The following NEURL1B variants were observed in gnomAD, a reference collection of about 807,000 sequenced individuals.
The protein encoded by NEURL1B is neuralized E3 ubiquitin protein ligase 1B, also known as E3 ubiquitin-protein ligase NEURL1B.
A neutral mutation model predicts 37.4 loss-of-function variants in NEURL1B; 13 were observed. The observed-to-expected ratio is 0.35, with a 90% CI of 0.23 to 0.55. The LOEUF is 0.55. Ranked by LOEUF, NEURL1B falls within the 20% of genes least tolerant of loss-of-function variation. The probability of loss-of-function intolerance (pLI) is 0.89; values close to 1 mark genes in which losing one functional copy is unlikely to be tolerated. For synonymous variants in NEURL1B, 432 were observed against 426.6 expected, an observed-to-expected ratio of 1.01 and a Z score of -0.16; for missense variants, 790 against 879.2, an observed-to-expected ratio of 0.90 and a Z score of 1.28.
rs1757458857 is a variant in NEURL1B, at chr5:172,641,492, GA to G, written c.31+56del. ...GGCGCCGGGCTTCTCTCCTCCGGGG[GA>G]CCCGCTGGGTGACTCTGGAGAGCTA... On this transcript the variant is annotated intron_variant, in intron 1 of 4. Transcript: ENST00000369800. The surrounding 1 kb of genome is among the most constrained non-coding windows in gnomAD (Gnocchi z 6.4). The G allele has an allele frequency of 8.0e-7, 1 of 1,244,300 alleles. No individual in the cohort carries two copies. The highest frequency in any genetic ancestry group is 1.6e-5 in the African/African-American group (1 of 64,346). 77.1% of individuals were successfully genotyped at this position (1,244,300 alleles called of 1,614,324 possible).
intron 1 of NEURL1B, among the ~76,000 whole-genome samples, chr5:172,643,892 C>T (rs1467457118): frequency 1.3e-5 from 2 of 152,054 alleles, no homozygotes; most frequent in Non-Finnish European, 2.9e-5. Flanking sequence ...CTCCTCAAGG[C>T]TTCTGCACTT....
In NEURL1B at chr5:172,689,516, CAG is replaced by C. The variant is rs1758587746; in HGVS notation, c.*2595_*2596del. On this transcript the variant is annotated 3_prime_UTR_variant, in exon 5 of 5. Transcript: ENST00000369800. ...CTACAACTGTACAGTTCCTTCCAAT[CAG>C]AGATGTTCACGTGTGAAAAAAAAAC... 1 of 152,236 alleles carries C rather than the reference CAG, an allele frequency of 6.6e-6. No homozygotes were observed. The highest frequency in any genetic ancestry group is 1.5e-5 in the Non-Finnish European group (1 of 68,002). 9.4% of individuals were successfully genotyped at this position (152,236 alleles called of 1,614,324 possible). A position where few individuals can be genotyped will look rare whatever the true frequency, so the allele number is the denominator to read the frequency against.
intron 1 of NEURL1B, among the ~76,000 whole-genome samples, chr5:172,658,429 C>A (rs1415946751): frequency 6.6e-6 from 1 of 151,988 alleles, no homozygotes; most frequent in African/African-American, 2.4e-5. Flanking sequence ...GGAAGCCCTG[C>A]GTGGTGAGTG....
chr5:172,641,552 G>A lies in NEURL1B; in HGVS notation c.31+115G>A, dbSNP rs965000213. ...CCCTTGGAGCCCTCGGCTCGCAGCGGGCTGGAGTCTCCGGTACCTCCCGGA... is the reference window on the plus strand; with the variant it reads ...CCCTTGGAGCCCTCGGCTCGCAGCGAGCTGGAGTCTCCGGTACCTCCCGGA... On this transcript the variant is annotated intron_variant, in intron 1 of 4. Coordinates refer to ENST00000369800, the MANE Select transcript of NEURL1B (RefSeq NM_001142651.3). The surrounding 1 kb of genome is among the most constrained non-coding windows in gnomAD (Gnocchi z 6.4). 88 of 932,898 alleles carry A rather than the reference G, an allele frequency of 9.4e-5. No individual in the cohort carries two copies. In the African/African-American group the frequency reaches 1.3e-3, roughly 14 times the overall value. 57.8% of individuals were successfully genotyped at this position (932,898 alleles called of 1,614,324 possible).
Position 172,660,238 on chromosome 5 carries a change from C to G in NEURL1B, c.32-9547C>G, listed in dbSNP as rs573126251. ...CAAGAAGAGACCACAGTCAGGGGGC[C>G]CGGCAGAGGGTCGGAGTCAGCTTGG... On this transcript the variant is annotated intron_variant, in intron 1 of 4. Coordinates refer to ENST00000369800, the MANE Select transcript of NEURL1B (RefSeq NM_001142651.3). Among the ~76,000 whole-genome samples, 3 of 152,312 alleles carry G rather than the reference C, an allele frequency of 2.0e-5. No individual in the cohort carries two copies. The East Asian group carries it at 5.8e-4, about 29-fold the overall frequency.
chr5:172,648,038 C>T (rs760360248), intron 1 of NEURL1B, among the ~76,000 whole-genome samples: 6 of 152,202 alleles, frequency 3.9e-5, no homozygotes, highest in Non-Finnish European at 8.8e-5. Flanking sequence ...CTTTGTCATC[C>T]AGGGCCCGCG....
In NEURL1B at chr5:172,641,470, G is replaced by A; in HGVS notation, c.31+33G>A. 7.8e-7 allele frequency: 1 copy of A among 1,286,118 alleles called. No homozygotes were observed. Among genetic ancestry groups the A allele is most frequent in the Non-Finnish European group, 9.8e-7 (1 of 1,017,410 alleles). The allele number at this position is 1,286,118 out of a possible 1,614,324, so 79.7% of individuals were successfully genotyped here. A position where few individuals can be genotyped will look rare whatever the true frequency, so the allele number is the denominator to read the frequency against. ...GGGGAGCCCTGCCCGGGAGGCGGGC[G>A]CCGGGCTTCTCTCCTCCGGGGGACC... On this transcript the variant is annotated intron_variant, in intron 1 of 4. Transcript: ENST00000369800. The surrounding 1 kb of genome is among the most constrained non-coding windows in gnomAD (Gnocchi z 6.4).
In NEURL1B at chr5:172,687,224, A is replaced by T; in HGVS notation, c.*299A>T. The stretch of plus-strand genomic sequence containing the variant: ...GGAAACAGCGTCCTCTGTCTGTGCA[A>T]TGCTTCTTGCTGGGGTTGGGTTGAG... On this transcript the variant is annotated 3_prime_UTR_variant, in exon 5 of 5. Transcript: ENST00000369800. 8.9e-6 allele frequency: 2 copies of T among 223,670 alleles called. No individual in the cohort carries two copies. The highest frequency in any genetic ancestry group is 1.8e-5 in the Non-Finnish European group (2 of 112,366). The allele number at this position is 223,670 out of a possible 1,614,324, so 13.9% of individuals were successfully genotyped here.
rs1248614289 is a variant in NEURL1B at position 172,687,854 on chromosome 5, A to T, written c.*929A>T. Reference sequence around the variant, plus strand: ...AGCTGGAAAGCCCACTCCACGATGCAGACAGCTCTCTACCTTCCTGTGGTG... The same window carrying T: ...AGCTGGAAAGCCCACTCCACGATGCTGACAGCTCTCTACCTTCCTGTGGTG... On this transcript the variant is annotated 3_prime_UTR_variant, in exon 5 of 5. Coordinates refer to ENST00000369800, the MANE Select transcript of NEURL1B (RefSeq NM_001142651.3). 2 of 152,222 alleles carry T rather than the reference A, an allele frequency of 1.3e-5. No homozygotes were observed. Among genetic ancestry groups the T allele is most frequent in the Non-Finnish European group, 2.9e-5 (2 of 68,044 alleles). The allele number at this position is 152,222 out of a possible 1,614,324, so 9.4% of individuals were successfully genotyped here.
rs1295047638 is a variant in NEURL1B at position 172,670,100 on chromosome 5, A to G, written c.347A>G (p.Lys116Arg). The change falls in exon 2 of 5, where the codon AAG becomes AGG. Residue 116 changes from lysine to arginine, a missense_variant. This residue lies in a region of NEURL1B where 215 missense variants were observed against 309.2 expected (regional missense o/e 0.70). Coordinates refer to ENST00000369800, the MANE Select transcript of NEURL1B (RefSeq NM_001142651.3). ...CTCATGAGCGCCCAGGACATCCCCA[A>G]GTACGCCTGCCCGGACCTGGTCACG... ...PSLMSAQDIP[K>R]YACPDLVTRP... is the part of the protein sequence containing the mutation. The G allele has an allele frequency of 6.6e-6, 10 of 1,525,352 alleles. No individual in the cohort carries two copies. Among genetic ancestry groups the G allele is most frequent in the African/African-American group, 2.8e-5 (2 of 70,928 alleles). 94.5% of individuals were successfully genotyped at this position (1,525,352 alleles called of 1,614,324 possible).
rs1039713482 is a variant in NEURL1B at position 172,665,214 on chromosome 5, T to G, written c.32-4571T>G. Among the ~76,000 whole-genome samples, 1 of 152,206 alleles carries G rather than the reference T, an allele frequency of 6.6e-6. No individual in the cohort carries two copies. Among genetic ancestry groups the G allele is most frequent in the African/African-American group, 2.4e-5 (1 of 41,444 alleles). ...CATATTTAATGTTTCCTGGAGGATT[T>G]GCCAGCTGGAGGGGGCCTTGGCCTG... On this transcript the variant is annotated intron_variant, in intron 1 of 4. Transcript: ENST00000369800. This position sits in a 1 kb window ranked among gnomAD's most constrained non-coding sequence, Gnocchi z 4.1.
chr5:172,683,874 T>C lies in NEURL1B; in HGVS notation c.1033T>C (p.Cys345Arg), dbSNP rs1758422518. 7.2e-7 allele frequency: 1 copy of C among 1,396,452 alleles called. No individual in the cohort carries two copies. 86.5% of individuals were successfully genotyped at this position (1,396,452 alleles called of 1,614,324 possible). Reference sequence around the variant, plus strand: ...CGCGCTGGCCTTCGGCATCACGTCGTGCGACCCGGGCGTGCTACGGCCCAA... The same window carrying C: ...CGCGCTGGCCTTCGGCATCACGTCGCGCGACCCGGGCGTGCTACGGCCCAA... ...PGALAFGITS[C>R]DPGVLRPNEL... The change falls in exon 3 of 5, where the codon TGC (cysteine) becomes CGC (arginine). Residue 345 changes from cysteine (C) to arginine (R), a missense_variant. Cys to Arg is a radical substitution (Grantham distance 180, BLOSUM62 -3). Coordinates refer to ENST00000369800, the MANE Select transcript of NEURL1B (RefSeq NM_001142651.3). The surrounding 1 kb of genome is among the most constrained non-coding windows in gnomAD (Gnocchi z 5.6).
Position 172,686,315 on chromosome 5 carries a change from T to TGGCAGG in NEURL1B, c.1423+29_1423+34dup. The TGGCAGG allele has an allele frequency of 3.2e-6, 5 of 1,551,172 alleles. No individual in the cohort carries two copies. Among genetic ancestry groups the TGGCAGG allele is most frequent in the Non-Finnish European group, 4.4e-6 (5 of 1,146,690 alleles). On this transcript the variant is annotated intron_variant, in intron 4 of 4. Coordinates refer to ENST00000369800, the MANE Select transcript of NEURL1B (RefSeq NM_001142651.3). This position sits in a 1 kb window ranked among gnomAD's most constrained non-coding sequence, Gnocchi z 7.9. ...TCCCTGGGTAAGGAAATGCAAACCCTGGCAGGGGCAGGGGCTGGCGGCTGG... is the reference window on the plus strand; with the variant it reads ...TCCCTGGGTAAGGAAATGCAAACCCTGGCAGGGGCAGGGGCAGGGGCTGGCGGCTGG...
chr5:172,684,826 G>A (rs1410583310), intron 3 of NEURL1B, among the ~76,000 whole-genome samples: 1 of 152,200 alleles, frequency 6.6e-6, no homozygotes, highest in African/African-American at 2.4e-5. Flanking sequence ...TGTGACATTT[G>A]CTACAGCCGG....
At chr5:172,680,000 C>A (rs1218893381) in intron 2 of NEURL1B, among the ~76,000 whole-genome samples, 1 of 152,140 alleles carries the variant, frequency 6.6e-6, no homozygotes, top group Non-Finnish European at 1.5e-5. Flanking sequence ...AAGATGGCTT[C>A]GTAGAGCCTT....
chr5:172,678,990 C>T (rs1022491553), intron 2 of NEURL1B, among the ~76,000 whole-genome samples: 1 of 152,242 alleles, frequency 6.6e-6, no homozygotes, highest in African/African-American at 2.4e-5. Flanking sequence ...GGTCAGGGGC[C>T]TGTCCCAGCC....
chr5:172,645,122 AG>A (rs1308079219), intron 1 of NEURL1B, among the ~76,000 whole-genome samples: 35 of 152,154 alleles, frequency 2.3e-4, no homozygotes, highest in African/African-American at 8.2e-4. Flanking sequence ...CTCTATATCA[AG>A]CCCTTGGTCA....
At chr5:172,684,712 C>A (rs1387400528) in intron 3 of NEURL1B, among the ~76,000 whole-genome samples, 1 of 152,186 alleles carries the variant, frequency 6.6e-6, no homozygotes, top group Non-Finnish European at 1.5e-5. Flanking sequence ...GAGCAGCCAC[C>A]AGCTGTGGGC....
At position 172,670,065 on chromosome 5, in the gene NEURL1B, C is replaced by G; in HGVS notation, c.312C>G (p.His104Gln). ...CGCTGCGCTTCGGCTTCACCGCGCA[C>G]GATCCGTCGCTCATGAGCGCCCAGG... ...SGALRFGFTA[H>Q]DPSLMSAQDI... The change falls in exon 2 of 5, where the codon CAC becomes CAG. Residue 104 changes from histidine (H) to glutamine (Q), a missense_variant. Around this residue, in one of 3 missense-constraint regions of NEURL1B, gnomAD observed 215 missense variants for 309.2 expected, o/e 0.70. Coordinates refer to ENST00000369800, the MANE Select transcript of NEURL1B (RefSeq NM_001142651.3). 1 of 1,521,922 alleles carries G rather than the reference C, an allele frequency of 6.6e-7. No individual in the cohort carries two copies. Among genetic ancestry groups the G allele is most frequent in the Non-Finnish European group, 8.8e-7 (1 of 1,140,744 alleles). The allele number at this position is 1,521,922 out of a possible 1,614,324, so 94.3% of individuals were successfully genotyped here. A position where few individuals can be genotyped will look rare whatever the true frequency, so the allele number is the denominator to read the frequency against.
Sources: allele counts gnomAD v4.1 joint callset (sites outside exome capture counted in the v4.1 genomes callset), GRCh38; gene constraint gnomAD v4.1.1; regional missense constraint gnomAD v4.1.1; non-coding constraint Gnocchi (gnomAD v3.1); transcripts MANE v1.5; gene names NCBI Gene and HGNC (gene_info 2026-07-23, HGNC 2026-07-21).